RABL6: variants seen among roughly 807,000 people sequenced by gnomAD.
The protein encoded by RABL6 is RAB, member RAS oncogene family like 6.
A neutral mutation model predicts 72.9 loss-of-function variants in RABL6; 28 were observed. The ratio of observed to expected loss-of-function variants is 0.38; its 90% CI spans 0.28 to 0.53. RABL6 has a LOEUF of 0.53. Ranked by LOEUF, RABL6 falls within the 20% of genes least tolerant of loss-of-function variation. The pLI, the probability that RABL6 is intolerant of heterozygous loss-of-function variation, is 0.80. For missense variants in RABL6, 1,029 were observed against 1,008.4 expected (o/e 1.02, Z -0.28); for synonymous variants, 477 against 421.2 (o/e 1.13, Z -1.62).
chr9:136,838,738 G>A lies in RABL6; in HGVS notation c.1281-171G>A, dbSNP rs549907415. ...AACCTTGTGCCCCCGACCCCTTCCT[G>A]CTCAGAAGCCCTGTGACCATGAGGG... On this transcript the variant is annotated intron_variant, in intron 10 of 14. Transcript: ENST00000311502. Among the ~76,000 whole-genome samples, 6 of 118,842 alleles carry A rather than the reference G, an allele frequency of 5.0e-5. No individual in the cohort carries two copies. The East Asian group carries it at 1.2e-3, about 24-fold the overall frequency. 78.0% of individuals were successfully genotyped at this position (118,842 alleles called of 152,430 possible).
intron 1 of RABL6, among the ~76,000 whole-genome samples, chr9:136,817,848 G>A (rs1848152124): frequency 6.6e-6 from 1 of 151,984 alleles, no homozygotes; most frequent in Non-Finnish European, 1.5e-5. Context: ...GATCACTTGA[G>A]GTCAGGAGTT....
In RABL6 at chr9:136,823,578, C is replaced by A; in HGVS notation, c.184C>A (p.Arg62Ser). ...RNTGKTALWH[R>S]LQGRPFVEEY... Reference sequence around the variant, plus strand: ...CACGGGCAAGACAGCGCTGTGGCACCGCCTGCAGGGCCGGCCGTTCGTGGA... The same window carrying A: ...CACGGGCAAGACAGCGCTGTGGCACAGCCTGCAGGGCCGGCCGTTCGTGGA... The change falls in exon 2 of 15, where the codon CGC (arginine) becomes AGC (serine). Residue 62 changes from arginine to serine, a missense_variant. By Grantham distance (110) the Arg-to-Ser change is moderately radical. Coordinates refer to ENST00000311502, the MANE Select transcript of RABL6 (RefSeq NM_024718.5). 6.2e-7 allele frequency: 1 copy of A among 1,613,852 alleles called. No homozygotes were observed. Among genetic ancestry groups the A allele is most frequent in the South Asian group, 1.1e-5 (1 of 91,076 alleles).
In RABL6 at chr9:136,834,721, C is replaced by T. The variant is rs1225890464; in HGVS notation, c.706-1021C>T. On this transcript the variant is annotated intron_variant, in intron 7 of 14. Transcript: ENST00000311502. ...CTCGATCTCTTGACCTCGTGATCTG[C>T]CCGCCTTGGCCCCCCCAAAGTGCTG... is the stretch of plus-strand genomic sequence containing the variant. Among the ~76,000 whole-genome samples, 3 of 152,104 alleles carry T rather than the reference C, an allele frequency of 2.0e-5. No individual in the cohort carries two copies. In the East Asian group the frequency reaches 5.8e-4, roughly 29 times the overall value.
intron 1 of RABL6, chr9:136,815,328 T>C: frequency 3.6e-6 from 1 of 274,212 alleles, no homozygotes; most frequent in Non-Finnish European, 7.4e-6. Context: ...ACCTGCAGCC[T>C]TTTTTGTTCG....
chr9:136,839,449 A>C lies in RABL6; in HGVS notation c.1721A>C (p.Asp574Ala). 6.2e-7 allele frequency: 1 copy of C among 1,612,482 alleles called. No homozygotes were observed. The highest frequency in any genetic ancestry group is 8.5e-7 in the Non-Finnish European group (1 of 1,179,708). The change falls in exon 12 of 15, where the codon GAC (aspartate) becomes GCC (alanine). Residue 574 changes from aspartate (D) to alanine (A), a missense_variant. Physicochemically the swap from Asp to Ala is moderately radical, Grantham distance 126. Coordinates refer to ENST00000311502, the MANE Select transcript of RABL6 (RefSeq NM_024718.5). ...CTGTCCTTCGTCATGGATGACCCCGACTTTGAGAGCGAGGGATCAGACACA... is the reference window on the plus strand; with the variant it reads ...CTGTCCTTCGTCATGGATGACCCCGCCTTTGAGAGCGAGGGATCAGACACA... ...QMLSFVMDDP[D>A]FESEGSDTQR...
intron 8 of RABL6, chr9:136,836,105 C>G (rs561414044): frequency 3.2e-5 from 13 of 412,556 alleles, no homozygotes; most frequent in African/African-American, 2.2e-4. Flanking sequence ...TGGCCAGGTG[C>G]TGGTGCTCAT....
chr9:136,810,925 A>G (rs1847998228), intron 1 of RABL6, among the ~76,000 whole-genome samples: 1 of 152,194 alleles, frequency 6.6e-6, no homozygotes, highest in African/African-American at 2.4e-5. Flanking sequence ...TTTGGGGGTG[A>G]GAGTTTCTGG....
At chr9:136,808,423 T>C (rs950208048) in intron 1 of RABL6, 97 bp downstream of exon 1, 19 of 1,246,214 alleles carry the variant, frequency 1.5e-5, no homozygotes, top group African/African-American at 1.5e-4. Context: ...TCTCACCTGC[T>C]TGCCGGTTGT....
At position 136,837,903 on chromosome 9, in the gene RABL6, G is replaced by A. The variant is rs747336068; in HGVS notation, c.1168G>A (p.Val390Met). 2.6e-6 allele frequency: 4 copies of A among 1,551,510 alleles called. No individual in the cohort carries two copies. The African/African-American group carries it at 5.5e-5, about 21-fold the overall frequency. The change falls in exon 10 of 15, where the codon GTG becomes ATG. Residue 390 changes from valine (V) to methionine (M), a missense_variant. Coordinates refer to ENST00000311502, the MANE Select transcript of RABL6 (RefSeq NM_024718.5). ...AAEGPATVQS[V>M]EDFVPDDRLD... Reference sequence around the variant, plus strand: ...AGAGGGCCCAGCAACGGTCCAGAGTGTGGAGGACTTTGTTCCTGACGACCG... The same window carrying A: ...AGAGGGCCCAGCAACGGTCCAGAGTATGGAGGACTTTGTTCCTGACGACCG...
intron 3 of RABL6, 59 bp downstream of exon 3, chr9:136,825,885 G>T: frequency 6.4e-7 from 1 of 1,559,250 alleles, no homozygotes; most frequent in South Asian, 1.1e-5. Context: ...TGCGCAGAGA[G>T]GCTTCCTTTC....
intron 13 of RABL6, 114 bp downstream of exon 13, chr9:136,839,979 C>T (rs990955651): frequency 1.3e-6 from 2 of 1,498,052 alleles, no homozygotes; most frequent in Non-Finnish European, 1.8e-6. Context: ...GATGCTGTGC[C>T]ATGCTCCTGG....
At position 136,840,418 on chromosome 9, in the gene RABL6, C is replaced by T. The variant is rs763138586; in HGVS notation, c.2086C>T (p.Pro696Ser). 1.2e-5 allele frequency: 19 copies of T among 1,549,974 alleles called. No homozygotes were observed. In the Admixed American group the frequency reaches 3.5e-4, roughly 29 times the overall value. ...EERRRRQQRP[P>S]RSRERTAADE... ...GCGGCGACGGCGGCAGCAGCGGCCCCCGCGCAGCAGGGAGAGGACGGCTGC... is the reference window on the plus strand; with the variant it reads ...GCGGCGACGGCGGCAGCAGCGGCCCTCGCGCAGCAGGGAGAGGACGGCTGC... The change falls in exon 15 of 15, where the codon CCG becomes TCG. Residue 696 changes from proline to serine, a missense_variant. This residue lies in a region of RABL6 where 595 missense variants were observed against 472.4 expected (regional missense o/e 1.26). Transcript: ENST00000311502.
At position 136,838,930 on chromosome 9, in the gene RABL6, C is replaced by T. The variant is rs770727742; in HGVS notation, c.1302C>T (p.Gly434=). ...DSDSDGEALG[G]NPMVAGFQDD... ...GCAGTGATGGGGAGGCCCTGGGCGGCAACCCGATGGTGGCAGGGTTCCAGG... is the reference window on the plus strand; with the variant it reads ...GCAGTGATGGGGAGGCCCTGGGCGGTAACCCGATGGTGGCAGGGTTCCAGG... Residue 434 remains glycine (G), a synonymous_variant, in exon 11 of 15, where the codon GGC becomes GGT. Coordinates refer to ENST00000311502, the MANE Select transcript of RABL6 (RefSeq NM_024718.5). 1.2e-6 allele frequency: 2 copies of T among 1,601,312 alleles called. No homozygotes were observed. The highest frequency in any genetic ancestry group is 1.1e-5 in the South Asian group (1 of 89,790).
intron 10 of RABL6, among the ~76,000 whole-genome samples, chr9:136,838,684 C>G (rs1848627981): frequency 6.6e-6 from 1 of 152,256 alleles, no homozygotes; most frequent in Non-Finnish European, 1.5e-5. Flanking sequence ...CCTTCACCCA[C>G]TGAGCGGCCG....
chr9:136,808,038 C>A lies in RABL6; in HGVS notation c.-159C>A. On this transcript the variant is annotated 5_prime_UTR_variant, in exon 1 of 15. Transcript: ENST00000311502. ...CGCGGCTGAGGTTCCCGAGTCGCCGCTCGGGGCTGCGCTCCGCCGCCGGGA... is the reference window on the plus strand; with the variant it reads ...CGCGGCTGAGGTTCCCGAGTCGCCGATCGGGGCTGCGCTCCGCCGCCGGGA... 1.9e-6 allele frequency: 2 copies of A among 1,064,862 alleles called. No individual in the cohort carries two copies. The highest frequency in any genetic ancestry group is 1.1e-6 in the Non-Finnish European group (1 of 878,360). The allele number at this position is 1,064,862 out of a possible 1,614,324, so 66.0% of individuals were successfully genotyped here.
chr9:136,831,665 G>A, intron 5 of RABL6, 56 bp from the exon 6 acceptor site: 1 of 1,602,724 alleles, frequency 6.2e-7, no homozygotes, highest in South Asian at 1.1e-5. Flanking sequence ...CCTTTCCAGG[G>A]AGGGACAGGG....
chr9:136,834,024 G>C (rs1220949685), intron 7 of RABL6: 6 of 1,476,876 alleles, frequency 4.1e-6, no homozygotes, highest in East Asian at 2.5e-5. Context: ...ACAGAGTCTT[G>C]AGCTGGAAGC....
chr9:136,839,229 A>G lies in RABL6; in HGVS notation c.1501A>G (p.Ile501Val), dbSNP rs759242672. ...CTCTGCTTGTCCACAAAGGTCCTCC[A>G]TACCAGCTTCGAAGCCACGGAGGGG... is the stretch of plus-strand genomic sequence containing the variant. Reference protein sequence around the residue: ...CSEPETKWSSIPASKPRRGTA... With the variant: ...CSEPETKWSSVPASKPRRGTA... Residue 501 changes from isoleucine (I) to valine (V), a missense_variant, in exon 12 of 15, where the codon ATA becomes GTA. Ile to Val is a conservative substitution (Grantham distance 29). Coordinates refer to ENST00000311502, the MANE Select transcript of RABL6 (RefSeq NM_024718.5). The G allele has an allele frequency of 1.9e-6, 3 of 1,599,022 alleles. No individual in the cohort carries two copies. The highest frequency in any genetic ancestry group is 3.5e-5 in the Admixed American group (2 of 57,734).
At chr9:136,828,472 T>G in intron 3 of RABL6, 22 bp from the exon 4 acceptor site, 1 of 1,612,328 alleles carries the variant, frequency 6.2e-7, no homozygotes, top group East Asian at 2.2e-5. Context: ...CACCTCGTAA[T>G]TTTTGTTTGT....
Sources: gnomAD v4.1 joint callset for allele counts (sites outside exome capture counted in the v4.1 genomes callset) on GRCh38, gnomAD v4.1.1 for gene constraint, gnomAD v4.1.1 regional missense constraint, MANE v1.5 for transcripts, NCBI Gene and HGNC (gene_info 2026-07-23, HGNC 2026-07-21) for gene names.